The following KALRN variants were observed in gnomAD, a reference collection of about 807,000 sequenced individuals.
KALRN encodes the protein kalirin.
KALRN carries 70 observed loss-of-function variants against 353.7 expected under a neutral mutation model. The ratio of observed to expected loss-of-function variants is 0.20; its 90% CI spans 0.16 to 0.24. The LOEUF is 0.24. KALRN is among the 10% of genes least tolerant of loss of function. KALRN has a pLI of 1.00. For missense variants in KALRN, 2,791 were observed against 3,756.7 expected (o/e 0.74, Z 6.72); for synonymous variants, 1,391 against 1,434.8 (o/e 0.97, Z 0.69).
intron 1 of KALRN, among the ~76,000 whole-genome samples, chr3:124,143,628 G>C (rs114634701): frequency 1.3e-5 from 2 of 152,150 alleles, no homozygotes; most frequent in Non-Finnish European, 2.9e-5. Flanking sequence ...AATAGTGTGT[G>C]TTTCTTTTTC....
At chr3:124,286,078 C>CTTTCTTT (rs1325238279) in intron 5 of KALRN, among the ~76,000 whole-genome samples, 6 of 106,934 alleles carry the variant, frequency 5.6e-5, no homozygotes, top group Admixed American at 9.8e-5. Context: ...TTCTTTCTTT[C>CTTTCTTT]CTTCCTTTCT....
intron 33 of KALRN, among the ~76,000 whole-genome samples, chr3:124,558,795 G>T (rs1047448041): frequency 6.9e-4 from 105 of 152,346 alleles, no homozygotes; most frequent in African/African-American, 2.5e-3. Flanking sequence ...CCTAAACGAG[G>T]CTATGCTGCC....
chr3:124,220,238 C>G (rs1285444949), intron 1 of KALRN, among the ~76,000 whole-genome samples: 1 of 152,256 alleles, frequency 6.6e-6, no homozygotes, highest in African/African-American at 2.4e-5. Context: ...CTACTGAGAC[C>G]GGCCGGTGGT....
Position 124,033,755 on chromosome 3 carries a change from G to GGGAGCAGCGGAGGAAGGA in KALRN, c.24_41dup (p.Glu9_Ala14dup), listed in dbSNP as rs990494975. Among the ~76,000 whole-genome samples the GGGAGCAGCGGAGGAAGGA allele has an allele frequency of 1.3e-5, 2 of 152,134 alleles. No individual in the cohort carries two copies. Among genetic ancestry groups the GGGAGCAGCGGAGGAAGGA allele is most frequent in the Non-Finnish European group, 2.9e-5 (2 of 68,010 alleles). ...CTCCCACAGTCATGAACCCCCCTGA[G>GGGAGCAGCGGAGGAAGGA]GGAGCAGCGGAGGAAGGAGGAGCAG... On this transcript the variant is annotated inframe_insertion, in exon 1 of 60. Transcript: ENST00000682506. This position sits in a 1 kb window ranked among gnomAD's most constrained non-coding sequence, Gnocchi z 6.2.
intron 6 of KALRN, among the ~76,000 whole-genome samples, chr3:124,315,336 T>G (rs990592530): frequency 2.0e-5 from 3 of 152,188 alleles, no homozygotes; most frequent in Non-Finnish European, 2.9e-5. Flanking sequence ...TTAGGCAGCC[T>G]TCTCAGTTTT....
chr3:124,358,233 A>G lies in KALRN; in HGVS notation c.1770+10968A>G, dbSNP rs182247948. 1.2e-3 allele frequency among the ~76,000 whole-genome samples: 183 copies of G among 152,292 alleles called. 1 individual carries two copies. Among genetic ancestry groups the G allele is most frequent in the African/African-American group, 3.2e-3 (135 of 41,560 alleles). On this transcript the variant is annotated intron_variant, in intron 10 of 59. Coordinates refer to ENST00000682506, the MANE Select transcript of KALRN (RefSeq NM_001388419.1). The stretch of plus-strand genomic sequence containing the variant: ...ATGAAGCTATAGGAAACCACTCTTG[A>G]CAAGAAGAAATGGCAGTCCTTTCTG...
chr3:124,209,003 A>G (rs2076670646), intron 1 of KALRN, among the ~76,000 whole-genome samples: 1 of 151,978 alleles, frequency 6.6e-6, no homozygotes, highest in Non-Finnish European at 1.5e-5. Context: ...CATCATCATC[A>G]TAACCAATAG....
At chr3:124,544,779 G>A (rs2069443310) in intron 33 of KALRN, among the ~76,000 whole-genome samples, 1 of 152,082 alleles carries the variant, frequency 6.6e-6, no homozygotes, top group Admixed American at 6.5e-5. Context: ...AGGAGTGCCT[G>A]GCACATAATA....
At chr3:124,539,703 A>T (rs1297518304) in intron 33 of KALRN, among the ~76,000 whole-genome samples, 3 of 152,142 alleles carry the variant, frequency 2.0e-5, no homozygotes, top group Non-Finnish European at 4.4e-5. Context: ...AGGAAGGGAG[A>T]AAAAAAGAGC....
chr3:124,524,300 A>C (rs2067399711), intron 33 of KALRN, among the ~76,000 whole-genome samples: 2 of 152,194 alleles, frequency 1.3e-5, no homozygotes, highest in Admixed American at 6.5e-5. Flanking sequence ...GAAAAGTGGG[A>C]TGAGGAAGGA....
At chr3:124,275,180 G>A (rs1040328573) in intron 5 of KALRN, among the ~76,000 whole-genome samples, 5 of 152,224 alleles carry the variant, frequency 3.3e-5, no homozygotes, top group African/African-American at 1.2e-4. Flanking sequence ...GGTCATGGTG[G>A]TGGTAGCTTT....
chr3:124,445,462 C>G (rs2093806336), intron 19 of KALRN, among the ~76,000 whole-genome samples: 1 of 152,172 alleles, frequency 6.6e-6, no homozygotes, highest in Admixed American at 6.5e-5. Context: ...GGACTGAATA[C>G]CTAACCATGG....
chr3:124,627,455 T>C (rs1011827542), intron 34 of KALRN, among the ~76,000 whole-genome samples: 1 of 152,224 alleles, frequency 6.6e-6, no homozygotes, highest in Non-Finnish European at 1.5e-5. Context: ...TCATTCAAAA[T>C]GTGCATTTGT....
intron 33 of KALRN, among the ~76,000 whole-genome samples, chr3:124,509,216 A>G (rs1208184509): frequency 1.3e-5 from 2 of 151,068 alleles, no homozygotes; most frequent in Non-Finnish European, 3.0e-5. Flanking sequence ...TACATTTTGT[A>G]TTTTTTTTTG....
At chr3:124,114,769 A>T (rs926365091) in intron 1 of KALRN, among the ~76,000 whole-genome samples, 3 of 152,204 alleles carry the variant, frequency 2.0e-5, no homozygotes, top group African/African-American at 7.2e-5. Flanking sequence ...GCTGAGGTGC[A>T]ACATGAGGAA....
chr3:124,264,720 TCTTTCC>T, intron 4 of KALRN, 30 bp downstream of exon 4: 1 of 1,580,644 alleles, frequency 6.3e-7, no homozygotes, highest in Non-Finnish European at 8.7e-7. Flanking sequence ...CTTAGCATCT[TCTTTCC>T]CTTCCCCTTC....
At chr3:124,274,741 G>A (rs1046877819) in intron 5 of KALRN, among the ~76,000 whole-genome samples, 1 of 152,100 alleles carries the variant, frequency 6.6e-6, no homozygotes, top group Non-Finnish European at 1.5e-5. Context: ...AAGACATCTA[G>A]CCCAAATGAG....
chr3:124,545,232 T>A (rs2069496022), intron 33 of KALRN, among the ~76,000 whole-genome samples: 1 of 152,208 alleles, frequency 6.6e-6, no homozygotes, highest in Non-Finnish European at 1.5e-5. Context: ...TCACTCTTCG[T>A]TTGCTCTTTT....
intron 51 of KALRN, among the ~76,000 whole-genome samples, chr3:124,681,228 A>G (rs978760857): frequency 2.0e-5 from 3 of 152,212 alleles, no homozygotes; most frequent in African/African-American, 7.2e-5. Context: ...AACTGGGGTC[A>G]TCGAATGCCC....
Sources: allele counts gnomAD v4.1 joint callset (sites outside exome capture counted in the v4.1 genomes callset), GRCh38; gene constraint gnomAD v4.1.1; non-coding constraint Gnocchi (gnomAD v3.1); transcripts MANE v1.5; gene names NCBI Gene and HGNC (gene_info 2026-07-23, HGNC 2026-07-21).